DIAPH3: variants seen among roughly 807,000 people sequenced by gnomAD.
The protein encoded by DIAPH3 is protein diaphanous homolog 3.
In DIAPH3, 117 loss-of-function variants were observed where a neutral mutation model predicts 144.3. The observed-to-expected ratio is 0.81, with a 90% CI of 0.70 to 0.95. DIAPH3 has a LOEUF of 0.95. DIAPH3 is among the 40% of genes least tolerant of loss of function. DIAPH3 has a pLI of 0.00. For missense variants in DIAPH3, 1,421 were observed against 1,412.7 expected (o/e 1.01, Z -0.09); for synonymous variants, 519 against 488.9 (o/e 1.06, Z -0.81).
intron 4 of DIAPH3, among the ~76,000 whole-genome samples, chr13:60,076,380 T>G (rs1594596269): frequency 6.6e-6 from 1 of 152,140 alleles, no homozygotes; most frequent in Non-Finnish European, 1.5e-5. Flanking sequence ...AACCTTATCT[T>G]GTATAGTTTC....
At chr13:59,677,764 G>A (rs1791214777) in intron 27 of DIAPH3, among the ~76,000 whole-genome samples, 1 of 152,056 alleles carries the variant, frequency 6.6e-6, no homozygotes, top group African/African-American at 2.4e-5. Context: ...CCAATATTTA[G>A]CATTTTATTG....
intron 27 of DIAPH3, among the ~76,000 whole-genome samples, chr13:59,697,495 A>ATT: frequency 7.6e-6 from 1 of 131,766 alleles, no homozygotes; most frequent in Non-Finnish European, 1.6e-5. Context: ...AAAAAAAAAG[A>ATT]AGAGGGGATT....
At chr13:59,729,597 G>A (rs905083158) in intron 27 of DIAPH3, among the ~76,000 whole-genome samples, 6 of 151,792 alleles carry the variant, frequency 4.0e-5, no homozygotes, top group Non-Finnish European at 7.4e-5. Context: ...TTATTTATAC[G>A]TGTGATAAAT....
chr13:60,042,146 G>A (rs1322943523), intron 5 of DIAPH3, among the ~76,000 whole-genome samples: 2 of 151,974 alleles, frequency 1.3e-5, no homozygotes, highest in African/African-American at 4.8e-5. Context: ...AACACCTATG[G>A]TATTGTTTTC....
chr13:59,809,496 C>G (rs2040364277), intron 25 of DIAPH3, among the ~76,000 whole-genome samples: 1 of 131,456 alleles, frequency 7.6e-6, no homozygotes, highest in South Asian at 2.5e-4. Flanking sequence ...GAGCGAAACT[C>G]CATCTCAAAA....
At chr13:59,823,203 C>T (rs2041172704) in intron 24 of DIAPH3, among the ~76,000 whole-genome samples, 1 of 152,126 alleles carries the variant, frequency 6.6e-6, no homozygotes. Context: ...ACGAATAAAT[C>T]TTACCAAGAA....
At chr13:59,668,245 C>T (rs894491447) in intron 27 of DIAPH3, among the ~76,000 whole-genome samples, 1 of 152,176 alleles carries the variant, frequency 6.6e-6, no homozygotes, top group African/African-American at 2.4e-5. Context: ...GTTCCTATGA[C>T]CACATCCTTT....
At chr13:60,031,731 T>C (rs1453305343) in intron 5 of DIAPH3, among the ~76,000 whole-genome samples, 1 of 110,010 alleles carries the variant, frequency 9.1e-6, no homozygotes, top group African/African-American at 3.5e-5. Context: ...AGTCATTAAA[T>C]CTTTTTTTTT....
At chr13:59,920,427 A>C (rs886759955) in intron 18 of DIAPH3, among the ~76,000 whole-genome samples, 1 of 151,846 alleles carries the variant, frequency 6.6e-6, no homozygotes. Flanking sequence ...TATACTTTAA[A>C]CCAAAAACTG....
chr13:59,992,527 G>A lies in DIAPH3; in HGVS notation c.1071C>T (p.Phe357=). ...TAAATTCATTTCTGATGTGAAGCCT[G>A]AAATCCAAATCATCAGGAGATGTAA... ...ALVTSPDDLD[F]RLHIRNEFMR... Residue 357 remains phenylalanine (F), a synonymous_variant, in exon 10 of 28, where the codon TTC becomes TTT. Coordinates refer to ENST00000400324, the MANE Select transcript of DIAPH3 (RefSeq NM_001042517.2). 6.2e-7 allele frequency: 1 copy of A among 1,612,214 alleles called. No homozygotes were observed. Among genetic ancestry groups the A allele is most frequent in the Admixed American group, 1.7e-5 (1 of 59,790 alleles).
intron 24 of DIAPH3, among the ~76,000 whole-genome samples, chr13:59,818,842 A>C (rs1237074453): frequency 6.6e-6 from 1 of 151,894 alleles, no homozygotes; most frequent in Non-Finnish European, 1.5e-5. Flanking sequence ...TGAATGTTAA[A>C]TTTCAACCAC....
intron 18 of DIAPH3, among the ~76,000 whole-genome samples, chr13:59,924,573 T>C (rs1309534704): frequency 6.6e-6 from 1 of 151,994 alleles, no homozygotes; most frequent in Non-Finnish European, 1.5e-5. Flanking sequence ...AAACCTCTTC[T>C]TATTTGTATT....
intron 23 of DIAPH3, chr13:59,838,167 T>C (rs2042138682): frequency 6.6e-6 from 1 of 152,122 alleles, no homozygotes; most frequent in Non-Finnish European, 1.5e-5. Flanking sequence ...CATTTGTCCA[T>C]ATGGGATTTT....
At chr13:59,777,211 T>C (rs2038466139) in intron 25 of DIAPH3, among the ~76,000 whole-genome samples, 2 of 152,104 alleles carry the variant, frequency 1.3e-5, no homozygotes, top group Non-Finnish European at 2.9e-5. Context: ...CAAAAATAGA[T>C]AGTGATATGT....
intron 25 of DIAPH3, among the ~76,000 whole-genome samples, chr13:59,802,667 A>ATTATTATTATTATTTTTTTTTT (rs1433627853): frequency 4.2e-5 from 1 of 23,758 alleles, no homozygotes; most frequent in African/African-American, 1.5e-4. Flanking sequence ...TATTATTATT[A>ATTATTATTATTATTTTTTTTTT]TTTTTTTTTT....
chr13:59,987,034 AT>A (rs1326256432), intron 12 of DIAPH3, among the ~76,000 whole-genome samples: 2 of 152,120 alleles, frequency 1.3e-5, no homozygotes. Context: ...GTGTATGTTT[AT>A]TGCGGCATTA....
chr13:59,875,763 T>A (rs2044585041), intron 21 of DIAPH3, among the ~76,000 whole-genome samples: 1 of 152,180 alleles, frequency 6.6e-6, no homozygotes, highest in Non-Finnish European at 1.5e-5. Context: ...TATGTTTACC[T>A]TATATGTCAT....
At chr13:59,740,135 T>A (rs1476130272) in intron 27 of DIAPH3, among the ~76,000 whole-genome samples, 1 of 152,220 alleles carries the variant, frequency 6.6e-6, no homozygotes, top group Non-Finnish European at 1.5e-5. Context: ...GTGTATACAC[T>A]CATTTATCTA....
intron 19 of DIAPH3, among the ~76,000 whole-genome samples, chr13:59,912,668 T>A (rs2047050894): frequency 6.6e-6 from 1 of 152,132 alleles, no homozygotes; most frequent in Non-Finnish European, 1.5e-5. Flanking sequence ...ATATTAAAAT[T>A]AAGATAAAAA....
Sources: gnomAD v4.1 joint callset for allele counts (sites outside exome capture counted in the v4.1 genomes callset) on GRCh38, gnomAD v4.1.1 for gene constraint, MANE v1.5 for transcripts, NCBI Gene and HGNC (gene_info 2026-07-23, HGNC 2026-07-21) for gene names.